PIWIL2: variants seen among roughly 807,000 people sequenced by gnomAD.
PIWIL2 encodes the protein piwi like RNA-mediated gene silencing 2.
A neutral mutation model predicts 116.5 loss-of-function variants in PIWIL2; 81 were observed. That is an observed-to-expected ratio of 0.70 (90% confidence interval 0.58 to 0.84). The LOEUF is 0.84. Among genes scored for constraint, PIWIL2 ranks in the 40% least tolerant of loss-of-function variants. The pLI is 0.00. For synonymous variants in PIWIL2, 489 were observed against 429.5 expected (o/e 1.14, Z -1.71); for missense variants, 1,272 against 1,212.3 (o/e 1.05, Z -0.73).
At chr8:22,302,552 C>A (rs568219802) in intron 10 of PIWIL2, among the ~76,000 whole-genome samples, 1 of 151,970 alleles carries the variant, frequency 6.6e-6, no homozygotes. Context: ...CTGTGGCGTG[C>A]GGCTGCTGAT....
chr8:22,323,356 C>G (rs1038306543), intron 20 of PIWIL2, among the ~76,000 whole-genome samples: 5 of 152,046 alleles, frequency 3.3e-5, no homozygotes, highest in Admixed American at 2.6e-4. Context: ...CCATGTTGGC[C>G]AGGCTGGTCT....
chr8:22,350,892 G>C (rs1196352504), intron 20 of PIWIL2, among the ~76,000 whole-genome samples: 2 of 152,096 alleles, frequency 1.3e-5, no homozygotes, highest in African/African-American at 4.8e-5. Flanking sequence ...TGTAGTCCCA[G>C]TACTTTGGGA....
chr8:22,347,190 A>G (rs1167795816), intron 20 of PIWIL2, among the ~76,000 whole-genome samples: 1 of 148,702 alleles, frequency 6.7e-6, no homozygotes, highest in Non-Finnish European at 1.5e-5. Context: ...AAAAAAAAGT[A>G]GCAAATTCAG....
At position 22,356,129 on chromosome 8, in the gene PIWIL2, A is replaced by G. The variant is rs1178490693; in HGVS notation, c.*624A>G. 6.6e-6 allele frequency: 1 copy of G among 152,116 alleles called. No individual in the cohort carries two copies. The highest frequency in any genetic ancestry group is 2.4e-5 in the African/African-American group (1 of 41,394). 9.4% of individuals were successfully genotyped at this position (152,116 alleles called of 1,614,324 possible). On this transcript the variant is annotated 3_prime_UTR_variant, in exon 23 of 23. Transcript: ENST00000356766. ...AGAAACCAGCAGAAGCAGCCATTAT[A>G]CTTCTAAGCTGTGCCAACTAAGTGG...
chr8:22,316,066 C>G lies in PIWIL2; in HGVS notation c.2209-179C>G, dbSNP rs186972458. 2.2e-4 allele frequency among the ~76,000 whole-genome samples: 33 copies of G among 152,188 alleles called. No homozygotes were observed. The East Asian group carries it at 4.0e-3, about 19-fold the overall frequency. On this transcript the variant is annotated intron_variant, in intron 18 of 22. Transcript: ENST00000356766. ...TGCTGATCCCTGATCTAGATCTTAA[C>G]TGTGCTTATTGTGTTTAAAAAATGT...
At chr8:22,340,891 T>G (rs1832093288) in intron 20 of PIWIL2, among the ~76,000 whole-genome samples, 1 of 152,112 alleles carries the variant, frequency 6.6e-6, no homozygotes, top group South Asian at 2.1e-4. Flanking sequence ...TTTTAATTTT[T>G]TTGTAAAGAC....
intron 20 of PIWIL2, among the ~76,000 whole-genome samples, chr8:22,324,039 A>G (rs1831667430): frequency 6.6e-6 from 1 of 152,142 alleles, no homozygotes. Context: ...AGGTGGGTGG[A>G]TGGCTTGAGG....
chr8:22,281,566 CTG>C (rs748922560), intron 4 of PIWIL2, 51 bp downstream of exon 4: 40 of 1,449,802 alleles, frequency 2.8e-5, no homozygotes, highest in Non-Finnish European at 1.9e-5. Flanking sequence ...TGGAATATCT[CTG>C]TAAGTTCAGA....
intron 1 of PIWIL2, among the ~76,000 whole-genome samples, chr8:22,276,376 C>T (rs944242579): frequency 1.3e-5 from 2 of 152,184 alleles, no homozygotes; most frequent in Admixed American, 6.5e-5. Flanking sequence ...AGTGCAGTGG[C>T]GTGATCTCTG....
chr8:22,315,339 G>A lies in PIWIL2; in HGVS notation c.2208+194G>A, dbSNP rs567818938. Among the ~76,000 whole-genome samples the A allele has an allele frequency of 4.6e-5, 7 of 152,220 alleles. No individual in the cohort carries two copies. In the South Asian group the frequency reaches 1.5e-3, roughly 32 times the overall value. On this transcript the variant is annotated intron_variant, in intron 18 of 22. Transcript: ENST00000356766. ...TTTTTGTTTTTTGTGTTTTTGAGAC[G>A]GATTCTTGTTCTTGTCGCCCAGGTT... is the stretch of plus-strand genomic sequence containing the variant.
At chr8:22,323,173 A>G in intron 20 of PIWIL2, among the ~76,000 whole-genome samples, 2 of 109,470 alleles carry the variant, frequency 1.8e-5, no homozygotes, top group African/African-American at 3.9e-5. Flanking sequence ...TTTGAGACAG[A>G]GTCTTGCTCT....
At chr8:22,321,839 C>A (rs532443690) in intron 20 of PIWIL2, 38 of 983,714 alleles carry the variant, frequency 3.9e-5, no homozygotes, top group Admixed American at 1.2e-4. Flanking sequence ...TTAATATCTT[C>A]CCCTAGGAAT....
At chr8:22,332,255 G>C (rs952852488) in intron 20 of PIWIL2, among the ~76,000 whole-genome samples, 5 of 152,094 alleles carry the variant, frequency 3.3e-5, no homozygotes, top group African/African-American at 1.2e-4. Context: ...GTTATAGTGA[G>C]CTGAGATTGT....
In PIWIL2 at chr8:22,281,385, A is replaced by AT; in HGVS notation, c.299dup (p.Leu100PhefsTer8). The stretch of plus-strand genomic sequence containing the variant: ...TCGGTTCTTTCTTTCAGGTAGAGGC[A>AT]TTTTAGGTCGAGGCTTGTCTGCTAA... On this transcript the variant is annotated frameshift_variant, in exon 4 of 23. Coordinates refer to ENST00000356766, the MANE Select transcript of PIWIL2 (RefSeq NM_018068.5). LOFTEE classifies it high-confidence loss of function. The AT allele has an allele frequency of 6.2e-7, 1 of 1,609,486 alleles. No individual in the cohort carries two copies. Among genetic ancestry groups the AT allele is most frequent in the Non-Finnish European group, 8.5e-7 (1 of 1,179,068 alleles).
At chr8:22,337,589 G>A (rs1386646184) in intron 20 of PIWIL2, among the ~76,000 whole-genome samples, 1 of 151,474 alleles carries the variant, frequency 6.6e-6, no homozygotes, top group Admixed American at 6.6e-5. Context: ...AAAATAGCTG[G>A]GCGTGGTGGT....
Position 22,283,221 on chromosome 8 carries a change from AC to A in PIWIL2, c.614del (p.Thr205MetfsTer11). Reference sequence around the variant, plus strand: ...CTCTCCAGATCGCCCTCTGGTCCTGACTGTGGAACACAAGGAAAAGTAAGTC... The same window carrying A: ...CTCTCCAGATCGCCCTCTGGTCCTGATGTGGAACACAAGGAAAAGTAAGTC... ...LHSPDRPLVL[T>X]VEHKEKELIV... On this transcript the variant is annotated frameshift_variant, in exon 5 of 23. Transcript: ENST00000356766. LOFTEE classifies it high-confidence loss of function. The A allele has an allele frequency of 6.2e-7, 1 of 1,613,560 alleles. No homozygotes were observed. The highest frequency in any genetic ancestry group is 8.5e-7 in the Non-Finnish European group (1 of 1,179,768).
intron 20 of PIWIL2, among the ~76,000 whole-genome samples, chr8:22,341,686 T>C (rs952956712): frequency 2.6e-5 from 4 of 151,710 alleles, no homozygotes. Flanking sequence ...AAGCTACAGC[T>C]AACATACTCG....
intron 14 of PIWIL2, among the ~76,000 whole-genome samples, chr8:22,309,369 C>T (rs1450777111): frequency 1.3e-5 from 2 of 152,004 alleles, no homozygotes; most frequent in Non-Finnish European, 2.9e-5. Context: ...GAGACAGAGT[C>T]TTGCCCTGTC....
intron 1 of PIWIL2, among the ~76,000 whole-genome samples, chr8:22,276,252 G>A (rs553011107): frequency 6.6e-6 from 1 of 152,204 alleles, no homozygotes; most frequent in Non-Finnish European, 1.5e-5. Context: ...TATGAATTGT[G>A]TGTTAATATT....
Sources: allele counts gnomAD v4.1 joint callset (sites outside exome capture counted in the v4.1 genomes callset), GRCh38; gene constraint gnomAD v4.1.1; transcripts MANE v1.5; gene names NCBI Gene and HGNC (gene_info 2026-07-23, HGNC 2026-07-21).